STAT4: variants seen among roughly 807,000 people sequenced by gnomAD.
STAT4 encodes signal transducer and activator of transcription 4.
STAT4 carries 42 observed loss-of-function variants against 110.5 expected under a neutral mutation model. The ratio of observed to expected loss-of-function variants is 0.38; its 90% CI spans 0.30 to 0.49. The LOEUF (loss-of-function observed/expected upper bound fraction) is 0.49, where lower values mean the gene tolerates loss of function less well. Ranked by LOEUF, STAT4 falls within the 20% of genes least tolerant of loss-of-function variation. STAT4 has a pLI of 0.95. For synonymous variants in STAT4, 284 were observed against 302.2 expected (o/e 0.94, Z 0.63); for missense variants, 632 against 887.9 (o/e 0.71, Z 3.66).
chr2:191,047,955 C>T (rs1696396366), intron 14 of STAT4, among the ~76,000 whole-genome samples: 1 of 152,186 alleles, frequency 6.6e-6, no homozygotes, highest in Non-Finnish European at 1.5e-5. Context: ...CATGAGCCAA[C>T]ACGCCTGGTC....
At position 191,033,725 on chromosome 2, in the gene STAT4, C is replaced by T; in HGVS notation, c.1716-99G>A. 2 of 1,495,636 alleles carry T rather than the reference C, an allele frequency of 1.3e-6. No homozygotes were observed. The highest frequency in any genetic ancestry group is 1.8e-6 in the Non-Finnish European group (2 of 1,107,852). 92.6% of individuals were successfully genotyped at this position (1,495,636 alleles called of 1,614,324 possible). A position where few individuals can be genotyped will look rare whatever the true frequency, so the allele number is the denominator to read the frequency against. On this transcript the variant is annotated intron_variant, in intron 19 of 23. Coordinates refer to ENST00000392320, the MANE Select transcript of STAT4 (RefSeq NM_003151.4). This position sits in a 1 kb window ranked among gnomAD's most constrained non-coding sequence, Gnocchi z 6.9. The stretch of plus-strand genomic sequence containing the variant: ...GTTTGTTTTGAGTGTAATCAAAAGT[C>T]ATTCTTACCTGAAATACTCATATAT...
At position 191,096,519 on chromosome 2, in the gene STAT4, C is replaced by T. The variant is rs75539592; in HGVS notation, c.274-20194G>A. On this transcript the variant is annotated intron_variant, in intron 3 of 23. Coordinates refer to ENST00000392320, the MANE Select transcript of STAT4 (RefSeq NM_003151.4). ...CACAAACAGAACCAGTGACAAAAAC[C>T]ACATGATTATCTCAACAGATGCAGA... Among the ~76,000 whole-genome samples the T allele has an allele frequency of 1.4e-4, 21 of 152,234 alleles. No individual in the cohort carries two copies. The East Asian group carries it at 4.0e-3, about 29-fold the overall frequency.
rs1699465086 is a variant in STAT4, at chr2:191,146,572, C to T, written c.273+41G>A. The stretch of plus-strand genomic sequence containing the variant: ...TTAATTTTTAACTAAATTTAAGACT[C>T]ATATATCCAAATATTTTGGAAAAGT... On this transcript the variant is annotated intron_variant, in intron 3 of 23. Transcript: ENST00000392320. The surrounding 1 kb of genome is among the most constrained non-coding windows in gnomAD (Gnocchi z 4.5). The T allele has an allele frequency of 1.4e-6, 2 of 1,414,150 alleles. No individual in the cohort carries two copies. Among genetic ancestry groups the T allele is most frequent in the African/African-American group, 1.5e-5 (1 of 68,102 alleles). 87.6% of individuals were successfully genotyped at this position (1,414,150 alleles called of 1,614,324 possible).
chr2:191,057,588 T>G (rs1163958132), intron 13 of STAT4, among the ~76,000 whole-genome samples: 1 of 150,558 alleles, frequency 6.6e-6, no homozygotes, highest in Non-Finnish European at 1.5e-5. Context: ...TTTCTTTTTT[T>G]TTTTTTTCTT....
chr2:191,029,594 A>G lies in STAT4; in HGVS notation c.*246T>C, dbSNP rs753311752. ...AAGCGAGTCTTCTGTTAATATTGTT[A>G]TTAACACTGGTTTCTTAAAGTTGTC... On this transcript the variant is annotated 3_prime_UTR_variant, in exon 24 of 24. Transcript: ENST00000392320. The surrounding 1 kb of genome is among the most constrained non-coding windows in gnomAD (Gnocchi z 4.5). The G allele has an allele frequency of 3.0e-5, 15 of 503,058 alleles. No individual in the cohort carries two copies. Among genetic ancestry groups the G allele is most frequent in the Non-Finnish European group, 5.2e-5 (15 of 289,774 alleles). 31.2% of individuals were successfully genotyped at this position (503,058 alleles called of 1,614,324 possible).
chr2:191,082,882 G>A lies in STAT4; in HGVS notation c.274-6557C>T, dbSNP rs559790979. ...CACTCCTCTGAGTTCTTTTCCCAGT[G>A]GCCCTCTTAAAAATGTAAACACATT... On this transcript the variant is annotated intron_variant, in intron 3 of 23. Transcript: ENST00000392320. The surrounding 1 kb of genome is among the most constrained non-coding windows in gnomAD (Gnocchi z 4.7). 4.6e-5 allele frequency among the ~76,000 whole-genome samples: 7 copies of A among 152,198 alleles called. No homozygotes were observed. Among genetic ancestry groups the A allele is most frequent in the African/African-American group, 1.4e-4 (6 of 41,514 alleles).
At chr2:191,034,157 T>C (rs1695976162) in intron 18 of STAT4, 152 bp from the exon 19 acceptor site, 2 of 648,836 alleles carry the variant, frequency 3.1e-6, no homozygotes, top group Non-Finnish European at 5.1e-6. Flanking sequence ...GTGTGGTGGC[T>C]CATGCCTGTA....
intron 3 of STAT4, among the ~76,000 whole-genome samples, chr2:191,145,934 C>T (rs1699449370): frequency 6.6e-6 from 1 of 152,122 alleles, no homozygotes; most frequent in African/African-American, 2.4e-5. Flanking sequence ...TTTACTCACC[C>T]CTTAATCAGT....
Position 191,034,299 on chromosome 2 carries a change from T to C in STAT4, c.1620+249A>G, listed in dbSNP as rs1407909820. 2.6e-5 allele frequency among the ~76,000 whole-genome samples: 4 copies of C among 151,818 alleles called. No individual in the cohort carries two copies. The East Asian group carries it at 7.7e-4, about 29-fold the overall frequency. ...TTAGCCGGGCGTGGTGGTGGGTGCC[T>C]GTAGTCCCAGCTAATCAGGAGGCTG... On this transcript the variant is annotated intron_variant, in intron 18 of 23. Coordinates refer to ENST00000392320, the MANE Select transcript of STAT4 (RefSeq NM_003151.4).
intron 7 of STAT4, 116 bp from the exon 8 acceptor site, chr2:191,065,074 A>G (rs1392593139): frequency 9.1e-7 from 1 of 1,093,128 alleles, no homozygotes; most frequent in Non-Finnish European, 1.3e-6. Context: ...TTGACCAAAT[A>G]TTTTACTAAA....
At chr2:191,093,377 T>A (rs1259302248) in intron 3 of STAT4, among the ~76,000 whole-genome samples, 2 of 145,184 alleles carry the variant, frequency 1.4e-5, no homozygotes, top group African/African-American at 4.9e-5. Context: ...ATATTTGTTG[T>A]TCTGCAATAT....
At chr2:191,034,059 A>T in intron 18 of STAT4, 54 bp from the exon 19 acceptor site, 1 of 1,223,616 alleles carries the variant, frequency 8.2e-7, no homozygotes, top group East Asian at 2.4e-5. Flanking sequence ...AATAATGTTG[A>T]TATAATAATT....
chr2:191,123,822 C>T (rs1262080009), intron 3 of STAT4, among the ~76,000 whole-genome samples: 1 of 152,184 alleles, frequency 6.6e-6, no homozygotes, highest in African/African-American at 2.4e-5. Flanking sequence ...GAGTATTGTA[C>T]TGCGTTATTA....
rs968937624 is a variant in STAT4, at chr2:191,039,888, T to C, written c.1336-591A>G. 5.9e-5 allele frequency among the ~76,000 whole-genome samples: 9 copies of C among 152,212 alleles called. No individual in the cohort carries two copies. The highest frequency in any genetic ancestry group is 1.7e-4 in the African/African-American group (7 of 41,448). ...GATAAACAGGCTTTTACAAATTAGCTTGGGAAACTAATCAACTTACAGTAC... is the reference window on the plus strand; with the variant it reads ...GATAAACAGGCTTTTACAAATTAGCCTGGGAAACTAATCAACTTACAGTAC... On this transcript the variant is annotated intron_variant, in intron 15 of 23. Transcript: ENST00000392320. This position sits in a 1 kb window ranked among gnomAD's most constrained non-coding sequence, Gnocchi z 4.7.
In STAT4 at chr2:191,063,032, T is replaced by C. The variant is rs986776287; in HGVS notation, c.783-112A>G. Reference sequence around the variant, plus strand: ...TTAAATTATTAAGTAATTATTAAATTAATTAAATGAATCACTTAATTTGAT... The same window carrying C: ...TTAAATTATTAAGTAATTATTAAATCAATTAAATGAATCACTTAATTTGAT... On this transcript the variant is annotated intron_variant, in intron 8 of 23. Coordinates refer to ENST00000392320, the MANE Select transcript of STAT4 (RefSeq NM_003151.4). 16 of 829,764 alleles carry C rather than the reference T, an allele frequency of 1.9e-5. No homozygotes were observed. In the African/African-American group the frequency reaches 2.8e-4, roughly 15 times the overall value. 51.4% of individuals were successfully genotyped at this position (829,764 alleles called of 1,614,324 possible).
chr2:191,142,401 A>G lies in STAT4; in HGVS notation c.273+4212T>C, dbSNP rs1374596792. 6.6e-6 allele frequency among the ~76,000 whole-genome samples: 1 copy of G among 152,150 alleles called. No individual in the cohort carries two copies. Among genetic ancestry groups the G allele is most frequent in the African/African-American group, 2.4e-5 (1 of 41,436 alleles). ...ATGTTCTCACTCATATGTGGGAGCT[A>G]AAGAAGTGGATCTCATGGAGGTAAA... On this transcript the variant is annotated intron_variant, in intron 3 of 23. Coordinates refer to ENST00000392320, the MANE Select transcript of STAT4 (RefSeq NM_003151.4). The surrounding 1 kb of genome is among the most constrained non-coding windows in gnomAD (Gnocchi z 4.1).
At position 191,031,271 on chromosome 2, in the gene STAT4, T is replaced by C; in HGVS notation, c.2111+179A>G. The C allele has an allele frequency of 1.1e-6, 1 of 895,086 alleles. No homozygotes were observed. The highest frequency in any genetic ancestry group is 1.7e-6 in the Non-Finnish European group (1 of 593,664). The allele number at this position is 895,086 out of a possible 1,614,324, so 55.4% of individuals were successfully genotyped here. A position where few individuals can be genotyped will look rare whatever the true frequency, so the allele number is the denominator to read the frequency against. On this transcript the variant is annotated intron_variant, in intron 22 of 23. Coordinates refer to ENST00000392320, the MANE Select transcript of STAT4 (RefSeq NM_003151.4). This position sits in a 1 kb window ranked among gnomAD's most constrained non-coding sequence, Gnocchi z 4.8. ...GGCATATAAAAGGGGAATTTTATAA[T>C]TTTAGGCACAATAGATTGTGGTAAG... is the stretch of plus-strand genomic sequence containing the variant.
chr2:191,063,739 T>C (rs1264786811), intron 8 of STAT4, among the ~76,000 whole-genome samples: 1 of 152,212 alleles, frequency 6.6e-6, no homozygotes, highest in African/African-American at 2.4e-5. Context: ...AAGATCTTTA[T>C]TGCTCCCTTT....
At chr2:191,070,326 T>C (rs1697110503) in intron 5 of STAT4, among the ~76,000 whole-genome samples, 2 of 152,186 alleles carry the variant, frequency 1.3e-5, no homozygotes, top group Admixed American at 1.3e-4. Context: ...TGTTCAGATA[T>C]AATAGTAAAT....
Sources: allele counts gnomAD v4.1 joint callset (sites outside exome capture counted in the v4.1 genomes callset), GRCh38; gene constraint gnomAD v4.1.1; non-coding constraint Gnocchi (gnomAD v3.1); transcripts MANE v1.5; gene names NCBI Gene and HGNC (gene_info 2026-07-23, HGNC 2026-07-21).